Variants in WDR19 observed in about 807,000 individuals in gnomAD.
The protein encoded by WDR19 is WD repeat domain 19.
WDR19 carries 121 observed loss-of-function variants against 180.0 expected under a neutral mutation model. The ratio of observed to expected loss-of-function variants is 0.67; its 90% confidence interval spans 0.58 to 0.78. The LOEUF (loss-of-function observed/expected upper bound fraction) is 0.78. Ranked by LOEUF, WDR19 falls within the 30% of genes least tolerant of loss-of-function variation. The pLI, the probability that WDR19 is intolerant of heterozygous loss-of-function variation, is 0.00. For missense variants in WDR19, 1,450 were observed against 1,640.7 expected (o/e 0.88, Z 2.01); for synonymous variants, 497 against 540.7 (o/e 0.92, Z 1.12).
At position 39,267,988 on chromosome 4, in the gene WDR19, G is replaced by A. The variant is rs1019052865; in HGVS notation, c.3262-7G>A. On this transcript the variant is annotated splice_region_variant and splice_polypyrimidine_tract_variant and intron_variant, in intron 29 of 36. Transcript: ENST00000399820. ...AAGTAATGTTTCTATAATGGTTTAT[G>A]TGTCAGGATGCCAAGTACCTGTTCC... is the stretch of plus-strand genomic sequence containing the variant. 1 of 1,595,018 alleles carries A rather than the reference G, an allele frequency of 6.3e-7. No individual in the cohort carries two copies. The highest frequency in any genetic ancestry group is 8.5e-7 in the Non-Finnish European group (1 of 1,170,206).
chr4:39,222,788 C>T (rs1176202042), intron 14 of WDR19, among the ~76,000 whole-genome samples: 1 of 152,038 alleles, frequency 6.6e-6, no homozygotes, highest in East Asian at 1.9e-4. Context: ...TCCTAGGTAC[C>T]CCTTTACCTA....
At chr4:39,228,119 G>C in intron 15 of WDR19, 91 bp from the exon 16 acceptor site, 1 of 1,446,446 alleles carries the variant, frequency 6.9e-7, no homozygotes. Flanking sequence ...AGTAAGCTAA[G>C]CCAGCTAAGG....
At chr4:39,284,229 T>G (rs1230945291) in intron 36 of WDR19, among the ~76,000 whole-genome samples, 1 of 152,072 alleles carries the variant, frequency 6.6e-6, no homozygotes, top group Non-Finnish European at 1.5e-5. Flanking sequence ...TCAAGGTCAC[T>G]AAAGTTCTTT....
chr4:39,214,947 A>T (rs1728912224), intron 10 of WDR19, among the ~76,000 whole-genome samples: 1 of 151,854 alleles, frequency 6.6e-6, no homozygotes, highest in African/African-American at 2.4e-5. Context: ...TAATTTTTGT[A>T]TTTTTAGTAG....
At chr4:39,224,683 A>G (rs1474172216) in intron 14 of WDR19, among the ~76,000 whole-genome samples, 1 of 152,192 alleles carries the variant, frequency 6.6e-6, no homozygotes, top group Non-Finnish European at 1.5e-5. Context: ...GGCAAGAGCC[A>G]CTGCGCCCAG....
intron 9 of WDR19, among the ~76,000 whole-genome samples, chr4:39,206,377 G>A (rs1310857758): frequency 6.6e-6 from 1 of 152,196 alleles, no homozygotes; most frequent in Non-Finnish European, 1.5e-5. Flanking sequence ...AGGACCCACA[G>A]GCACCTAAAA....
chr4:39,192,142 C>A (rs1046319372), intron 4 of WDR19, among the ~76,000 whole-genome samples: 1 of 152,156 alleles, frequency 6.6e-6, no homozygotes, highest in African/African-American at 2.4e-5. Context: ...TGCTGATAAA[C>A]TATTGAATGG....
intron 21 of WDR19, among the ~76,000 whole-genome samples, 189 bp from the exon 22 acceptor site, chr4:39,244,059 T>C (rs1732245581): frequency 1.3e-5 from 2 of 151,214 alleles, no homozygotes; most frequent in African/African-American, 4.9e-5. Context: ...CAAAATATAA[T>C]TTTGTAATAG....
At chr4:39,273,791 C>T (rs1735622661) in intron 32 of WDR19, 1 of 152,186 alleles carries the variant, frequency 6.6e-6, no homozygotes, top group Non-Finnish European at 1.5e-5. Flanking sequence ...CTAATAATAG[C>T]CTGACTCTGT....
At chr4:39,275,089 C>T in intron 33 of WDR19, 131 bp downstream of exon 33, 1 of 1,160,496 alleles carries the variant, frequency 8.6e-7, no homozygotes, top group Non-Finnish European at 1.2e-6. Flanking sequence ...CCTATAATCC[C>T]AACACTTTGG....
chr4:39,211,701 C>T (rs535714535), intron 9 of WDR19, among the ~76,000 whole-genome samples: 1 of 152,172 alleles, frequency 6.6e-6, no homozygotes, highest in African/African-American at 2.4e-5. Context: ...TTAAGTATAC[C>T]TCTAACAAAA....
At chr4:39,232,377 C>A in intron 19 of WDR19, 105 bp downstream of exon 19, 2 of 939,216 alleles carry the variant, frequency 2.1e-6, no homozygotes, top group Non-Finnish European at 3.2e-6. Flanking sequence ...CTAATTCCAG[C>A]ACTTTGGGAG....
chr4:39,189,730 A>G lies in WDR19; in HGVS notation c.239A>G (p.Tyr80Cys), dbSNP rs1228214710. The change falls in exon 4 of 37, where the codon TAT (tyrosine) becomes TGT (cysteine). Residue 80 changes from tyrosine to cysteine, a missense_variant. Transcript: ENST00000399820. ...AVIAEKSSCIYLWDANTNKTS... is the reference protein window; with the variant it reads ...AVIAEKSSCICLWDANTNKTS... ...ATTGCTGAGAAATCTAGCTGCATTT[A>G]TCTTTGGGATGCCAACACAAATAAG... 6.2e-7 allele frequency: 1 copy of G among 1,611,914 alleles called. No individual in the cohort carries two copies. Among genetic ancestry groups the G allele is most frequent in the East Asian group, 2.2e-5 (1 of 44,702 alleles).
intron 28 of WDR19, 142 bp downstream of exon 28, chr4:39,257,696 T>G: frequency 1.4e-6 from 1 of 702,384 alleles, no homozygotes; most frequent in Non-Finnish European, 2.3e-6. Flanking sequence ...CAGCTGTCAA[T>G]ACATAGACAG....
At chr4:39,187,639 T>G (rs899034105) in intron 3 of WDR19, among the ~76,000 whole-genome samples, 6 of 152,222 alleles carry the variant, frequency 3.9e-5, no homozygotes, top group African/African-American at 1.4e-4. Flanking sequence ...AATTGTGGCT[T>G]CTGGTTTCTG....
Position 39,218,115 on chromosome 4 carries a change from G to A in WDR19, c.1479+10G>A. 1 of 1,591,882 alleles carries A rather than the reference G, an allele frequency of 6.3e-7. No individual in the cohort carries two copies. Among genetic ancestry groups the A allele is most frequent in the Non-Finnish European group, 8.6e-7 (1 of 1,169,390 alleles). On this transcript the variant is annotated intron_variant, in intron 14 of 36. Coordinates refer to ENST00000399820, the MANE Select transcript of WDR19 (RefSeq NM_025132.4). ...CATCTATGGTACAGATGTATGTATTGCCTTCTTTTTTAGAGAACACTGGGA... is the reference window on the plus strand; with the variant it reads ...CATCTATGGTACAGATGTATGTATTACCTTCTTTTTTAGAGAACACTGGGA...
At chr4:39,261,665 A>G (rs1734306663) in intron 28 of WDR19, among the ~76,000 whole-genome samples, 1 of 152,242 alleles carries the variant, frequency 6.6e-6, no homozygotes, top group African/African-American at 2.4e-5. Context: ...AATTTCCACT[A>G]GAACTCCATG....
chr4:39,205,107 G>A, intron 7 of WDR19, 47 bp from the exon 8 acceptor site: 3 of 1,352,774 alleles, frequency 2.2e-6, no homozygotes, highest in Non-Finnish European at 3.0e-6. Context: ...GTCTTTTCAT[G>A]AAGTACTAAG....
chr4:39,247,187 T>C (rs945292886), intron 24 of WDR19, among the ~76,000 whole-genome samples: 10 of 152,166 alleles, frequency 6.6e-5, no homozygotes, highest in African/African-American at 2.4e-4. Context: ...CAGCAGCATT[T>C]GCGGTTCACC....
Sources: allele counts gnomAD v4.1 joint callset (sites outside exome capture counted in the v4.1 genomes callset), GRCh38; gene constraint gnomAD v4.1.1; transcripts MANE v1.5; gene names NCBI Gene and HGNC (gene_info 2026-07-23, HGNC 2026-07-21).